Variants in CWC27 observed in about 807,000 individuals in gnomAD.
The protein encoded by CWC27 is CWC27 spliceosome associated cyclophilin, also known as spliceosome-associated protein CWC27 homolog.
CWC27 carries 47 observed loss-of-function variants against 63.6 expected under a neutral mutation model. That is an observed-to-expected ratio of 0.74 (90% CI 0.58 to 0.94). The LOEUF (loss-of-function observed/expected upper bound fraction) is 0.94, where lower values mean the gene tolerates loss of function less well. Among genes scored for constraint, CWC27 ranks in the 40% least tolerant of loss-of-function variants. The probability of loss-of-function intolerance (pLI) is 0.00; values close to 1 mark genes in which losing one functional copy is unlikely to be tolerated. For synonymous variants in CWC27, 175 were observed against 179.8 expected, an observed-to-expected ratio of 0.97 and a Z score of 0.22; for missense variants, 495 against 554.3, an observed-to-expected ratio of 0.89 and a Z score of 1.07.
intron 11 of CWC27, among the ~76,000 whole-genome samples, chr5:64,902,295 C>T (rs1747527527): frequency 6.6e-6 from 1 of 152,116 alleles, no homozygotes; most frequent in Non-Finnish European, 1.5e-5. Flanking sequence ...GCTACAGTGT[C>T]ACCAGGTGAT....
chr5:64,794,083 T>C (rs6867394), intron 7 of CWC27, among the ~76,000 whole-genome samples: 78,851 of 151,874 alleles, frequency 0.52, 21,166 homozygotes, highest in East Asian at 0.85. Flanking sequence ...GTCCAACTTC[T>C]TTTCTTTATA....
intron 11 of CWC27, among the ~76,000 whole-genome samples, chr5:64,948,268 CAG>C (rs982552732): frequency 2.0e-5 from 3 of 151,950 alleles, no homozygotes; most frequent in African/African-American, 7.3e-5. Context: ...TAGAAAAAAT[CAG>C]AGTATATCAC....
At chr5:64,960,025 TC>T (rs1312117739) in intron 11 of CWC27, among the ~76,000 whole-genome samples, 3 of 152,188 alleles carry the variant, frequency 2.0e-5, no homozygotes. Flanking sequence ...AAGGGATTCT[TC>T]CTAGGTAGAA....
At chr5:64,878,621 AT>A (rs1452279402) in intron 10 of CWC27, among the ~76,000 whole-genome samples, 1 of 151,640 alleles carries the variant, frequency 6.6e-6, no homozygotes, top group Admixed American at 6.6e-5. Context: ...GAGGTTGACA[AT>A]TTTCCAAAGC....
At chr5:64,868,669 A>G (rs993364399) in intron 10 of CWC27, among the ~76,000 whole-genome samples, 5 of 152,090 alleles carry the variant, frequency 3.3e-5, no homozygotes, top group Non-Finnish European at 7.4e-5. Flanking sequence ...TGCTTAAACT[A>G]TATTCCATTG....
chr5:64,986,687 C>G (rs574290425), intron 13 of CWC27, among the ~76,000 whole-genome samples: 101 of 151,822 alleles, frequency 6.7e-4, no homozygotes, highest in Admixed American at 1.8e-3. Flanking sequence ...TTATCAGAGC[C>G]CCCCCCGGAC....
intron 11 of CWC27, among the ~76,000 whole-genome samples, chr5:64,909,279 G>C (rs1401781802): frequency 6.6e-6 from 1 of 152,186 alleles, no homozygotes; most frequent in Admixed American, 6.5e-5. Context: ...AGAGGTTTCA[G>C]TGGAAACTGA....
intron 2 of CWC27, 93 bp downstream of exon 2, chr5:64,774,880 A>AGTG (rs1468873125): frequency 8.2e-5 from 59 of 717,896 alleles, no homozygotes; most frequent in Admixed American, 6.5e-4. Context: ...AGTGTTAAAT[A>AGTG]GTGGTCATGA....
intron 11 of CWC27, among the ~76,000 whole-genome samples, chr5:64,938,577 T>C (rs1167207997): frequency 1.3e-5 from 2 of 152,204 alleles, no homozygotes; most frequent in Non-Finnish European, 2.9e-5. Flanking sequence ...CTGACAATTA[T>C]ATGTCTTGGG....
At position 64,813,108 on chromosome 5, in the gene CWC27, A is replaced by G. The variant is rs192765177; in HGVS notation, c.938+8722A>G. 2.0e-4 allele frequency among the ~76,000 whole-genome samples: 31 copies of G among 152,318 alleles called. No homozygotes were observed. The East Asian group carries it at 5.6e-3, about 27-fold the overall frequency. On this transcript the variant is annotated intron_variant, in intron 10 of 13. Transcript: ENST00000381070. ...TATTCAATTATTTAAATAATGTTGCATAATCTCTCAATGTAGACTAGGTGG... is the reference window on the plus strand; with the variant it reads ...TATTCAATTATTTAAATAATGTTGCGTAATCTCTCAATGTAGACTAGGTGG...
intron 11 of CWC27, among the ~76,000 whole-genome samples, chr5:64,962,509 A>G (rs1188394623): frequency 1.3e-5 from 2 of 152,166 alleles, no homozygotes; most frequent in Admixed American, 1.3e-4. Flanking sequence ...GGAACTAAAA[A>G]TCTGTCTACC....
At chr5:64,996,420 C>T (rs893233092) in intron 13 of CWC27, among the ~76,000 whole-genome samples, 1 of 152,090 alleles carries the variant, frequency 6.6e-6, no homozygotes, top group African/African-American at 2.4e-5. Context: ...TGCAATTGAT[C>T]ACAATAAGTA....
intron 11 of CWC27, among the ~76,000 whole-genome samples, chr5:64,969,549 C>T (rs1749080154): frequency 6.6e-6 from 1 of 152,080 alleles, no homozygotes; most frequent in African/African-American, 2.4e-5. Flanking sequence ...TCTTCAATTA[C>T]ATTATTACTT....
intron 6 of CWC27, among the ~76,000 whole-genome samples, chr5:64,787,069 G>C: frequency 6.6e-6 from 1 of 152,220 alleles, no homozygotes; most frequent in Admixed American, 6.5e-5. Flanking sequence ...CAGATCTTAT[G>C]AGAACTCACT....
intron 8 of CWC27, 126 bp downstream of exon 8, chr5:64,800,453 A>C (rs1408906465): frequency 5.3e-6 from 3 of 565,272 alleles, no homozygotes; most frequent in Non-Finnish European, 6.1e-6. Flanking sequence ...AAAAAAATAA[A>C]GCATTTTGAT....
intron 10 of CWC27, among the ~76,000 whole-genome samples, chr5:64,817,661 C>G (rs1356508902): frequency 6.6e-6 from 1 of 152,052 alleles, no homozygotes; most frequent in Admixed American, 6.6e-5. Context: ...TTTGAAGTCT[C>G]ACAGAATTCA....
chr5:64,957,904 A>G (rs1164045512), intron 11 of CWC27, among the ~76,000 whole-genome samples: 2 of 152,146 alleles, frequency 1.3e-5, no homozygotes, highest in African/African-American at 4.8e-5. Flanking sequence ...CATGTTAGGT[A>G]AGATTACTTA....
chr5:65,004,909 TACACACACACAC>T (rs61613608), intron 13 of CWC27, among the ~76,000 whole-genome samples: 1 of 65,084 alleles, frequency 1.5e-5, no homozygotes, highest in African/African-American at 6.3e-5. Context: ...TATATATACA[TACACACACACAC>T]ACACACACAC....
intron 10 of CWC27, among the ~76,000 whole-genome samples, chr5:64,881,851 CTCTCAAAATAA>C: frequency 6.6e-6 from 1 of 152,280 alleles, no homozygotes; most frequent in South Asian, 2.1e-4. Context: ...TCCTCTTCAA[CTCTCAAAATAA>C]TCTCTACCTC....
Sources: gnomAD v4.1 joint callset for allele counts (sites outside exome capture counted in the v4.1 genomes callset) on GRCh38, gnomAD v4.1.1 for gene constraint, MANE v1.5 for transcripts, NCBI Gene and HGNC (gene_info 2026-07-23, HGNC 2026-07-21) for gene names.